TXNRD1: variants seen among roughly 807,000 people sequenced by gnomAD.
TXNRD1 encodes thioredoxin reductase 1, also known as thioredoxin reductase 1, cytoplasmic.
TXNRD1 carries 57 observed loss-of-function variants against 80.3 expected under a neutral mutation model. That is an observed-to-expected ratio of 0.71 (90% CI 0.57 to 0.89). The LOEUF (loss-of-function observed/expected upper bound fraction) is 0.89. Ranked by LOEUF, TXNRD1 falls within the 40% of genes least tolerant of loss-of-function variation. TXNRD1 has a pLI of 0.00. For missense variants in TXNRD1, 730 were observed against 803.0 expected, an observed-to-expected ratio of 0.91 and a Z score of 1.10; for synonymous variants, 291 against 285.2, an observed-to-expected ratio of 1.02 and a Z score of -0.20.
In TXNRD1 at chr12:104,327,560, T is replaced by G. The variant is rs1403752704; in HGVS notation, c.1431T>G (p.Pro477=). Residue 477 remains proline, a synonymous_variant, in exon 13 of 17, where the codon CCT becomes CCG. Transcript: ENST00000525566. ...CAGATGAAGAACAGACCAATGTGCC[T>G]TACATCTATGCCATTGGCGATATAT... ...PVTDEEQTNV[P]YIYAIGDILE... 1.2e-6 allele frequency: 2 copies of G among 1,613,756 alleles called. No homozygotes were observed. The highest frequency in any genetic ancestry group is 1.7e-6 in the Non-Finnish European group (2 of 1,179,796).
At chr12:104,329,026 T>C (rs1217065866) in intron 13 of TXNRD1, among the ~76,000 whole-genome samples, 10 of 152,132 alleles carry the variant, frequency 6.6e-5, no homozygotes. Context: ...TCTCAAAAAG[T>C]GATGCTAGCA....
chr12:104,215,978 A>G (rs942304337), intron 1 of TXNRD1, 85 bp downstream of exon 1: 3 of 1,199,700 alleles, frequency 2.5e-6, no homozygotes, highest in Non-Finnish European at 3.5e-6. Flanking sequence ...AGTGCCCCGG[A>G]GCCCTGGCCT....
chr12:104,336,563 AT>A (rs1023294255), intron 15 of TXNRD1, among the ~76,000 whole-genome samples: 3 of 151,172 alleles, frequency 2.0e-5, no homozygotes, highest in East Asian at 1.9e-4. Context: ...CTGCTATTTT[AT>A]TTTTTTTTAC....
chr12:104,248,187 G>T (rs2033032737), intron 1 of TXNRD1, among the ~76,000 whole-genome samples: 1 of 152,198 alleles, frequency 6.6e-6, no homozygotes, highest in South Asian at 2.1e-4. Flanking sequence ...TTAACAGTAT[G>T]CATTAGAACT....
chr12:104,311,152 T>C, intron 4 of TXNRD1, 138 bp from the exon 5 acceptor site: 1 of 978,236 alleles, frequency 1.0e-6, no homozygotes, highest in Non-Finnish European at 1.5e-6. Flanking sequence ...AATATTTCCA[T>C]CTGTATGCTG....
chr12:104,305,048 A>G (rs2034839687), intron 4 of TXNRD1: 12 of 1,114,236 alleles, frequency 1.1e-5, no homozygotes, highest in Middle Eastern at 2.3e-4. Flanking sequence ...AGTATTTTCA[A>G]GAACATCAGA....
chr12:104,270,446 CAA>C (rs1228480132), intron 3 of TXNRD1, among the ~76,000 whole-genome samples: 1 of 152,096 alleles, frequency 6.6e-6, no homozygotes, highest in Non-Finnish European at 1.5e-5. Context: ...GTAATATTTT[CAA>C]AAGTCTTCTT....
chr12:104,243,074 T>C (rs949396923), intron 1 of TXNRD1, among the ~76,000 whole-genome samples: 4 of 152,224 alleles, frequency 2.6e-5, no homozygotes, highest in Non-Finnish European at 4.4e-5. Context: ...AAACAGGATA[T>C]TGTAGTCCTT....
At chr12:104,273,642 C>T (rs1376555474) in intron 3 of TXNRD1, among the ~76,000 whole-genome samples, 1 of 152,068 alleles carries the variant, frequency 6.6e-6, no homozygotes. Context: ...GCTCGCGCCA[C>T]CCTCAGCAGC....
chr12:104,339,334 A>G (rs1301839148), intron 16 of TXNRD1, 61 bp downstream of exon 16: 1 of 1,601,766 alleles, frequency 6.2e-7, no homozygotes, highest in East Asian at 2.2e-5. Context: ...GAAGCACACC[A>G]CCCAGCTTAT....
intron 3 of TXNRD1, chr12:104,287,329 G>A (rs1280407645): frequency 1.2e-6 from 2 of 1,614,026 alleles, no homozygotes; most frequent in East Asian, 4.5e-5. Context: ...GTCACACAAA[G>A]CTTCAGCATG....
chr12:104,216,994 C>G (rs1417731249), intron 1 of TXNRD1, among the ~76,000 whole-genome samples: 1 of 152,154 alleles, frequency 6.6e-6, no homozygotes, highest in Non-Finnish European at 1.5e-5. Context: ...GGAGAACATT[C>G]TTGTTAGGGG....
rs531332300 is a variant in TXNRD1 at position 104,268,294 on chromosome 12, G to A, written c.304+10215G>A. Among the ~76,000 whole-genome samples, 7 of 151,268 alleles carry A rather than the reference G, an allele frequency of 4.6e-5. 1 individual carries two copies. Among genetic ancestry groups the A allele is most frequent in the African/African-American group, 9.7e-5 (4 of 41,352 alleles). Reference sequence around the variant, plus strand: ...TGGGAGGCTGAGGTGGGCTGATCACGAGGTCAGGAGATGGAGACCATCCTG... The same window carrying A: ...TGGGAGGCTGAGGTGGGCTGATCACAAGGTCAGGAGATGGAGACCATCCTG... On this transcript the variant is annotated intron_variant, in intron 3 of 16. Coordinates refer to ENST00000525566, the MANE Select transcript of TXNRD1 (RefSeq NM_001093771.3).
At chr12:104,346,091 C>A in intron 16 of TXNRD1, 1 of 896,820 alleles carries the variant, frequency 1.1e-6, no homozygotes, top group Non-Finnish European at 1.6e-6. Context: ...CAGTTCACTG[C>A]AGCCTTGACC....
rs553340630 is a variant in TXNRD1 at position 104,264,954 on chromosome 12, AAAT to A, written c.304+6883_304+6885del. The stretch of plus-strand genomic sequence containing the variant: ...AGAGTTCCCTGTACTTAGTAGTAAG[AAAT>A]AATAATAGGTTTTGGGCCAGGTGCA... On this transcript the variant is annotated intron_variant, in intron 3 of 16. Transcript: ENST00000525566. Among the ~76,000 whole-genome samples, 223 of 152,276 alleles carry A rather than the reference AAAT, an allele frequency of 1.5e-3. 1 individual carries two copies. Among genetic ancestry groups the A allele is most frequent in the African/African-American group, 5.1e-3 (212 of 41,562 alleles).
At chr12:104,339,019 C>T (rs1593876473) in intron 15 of TXNRD1, 120 bp from the exon 16 acceptor site, 1 of 1,375,754 alleles carries the variant, frequency 7.3e-7, no homozygotes. Context: ...CCCGGCCAGT[C>T]TCTGGTCATT....
intron 16 of TXNRD1, among the ~76,000 whole-genome samples, chr12:104,340,832 A>G (rs893506709): frequency 3.3e-5 from 5 of 152,214 alleles, no homozygotes; most frequent in African/African-American, 4.8e-5. Context: ...TGGGGACACA[A>G]TTCAACCCAC....
chr12:104,236,582 G>A (rs1456454669), intron 1 of TXNRD1, among the ~76,000 whole-genome samples: 1 of 152,114 alleles, frequency 6.6e-6, no homozygotes, highest in African/African-American at 2.4e-5. Flanking sequence ...CTGAGGTCGG[G>A]AGTTTGAGAC....
At chr12:104,268,963 G>A (rs1181313751) in intron 3 of TXNRD1, among the ~76,000 whole-genome samples, 1 of 142,364 alleles carries the variant, frequency 7.0e-6, no homozygotes, top group Non-Finnish European at 1.5e-5. Context: ...TTTTTGCCCA[G>A]GCACTATCTC....
Sources: allele counts gnomAD v4.1 joint callset (sites outside exome capture counted in the v4.1 genomes callset), GRCh38; gene constraint gnomAD v4.1.1; transcripts MANE v1.5; gene names NCBI Gene and HGNC (gene_info 2026-07-23, HGNC 2026-07-21).